CDH12: variants seen among roughly 807,000 people sequenced by gnomAD.
The protein encoded by CDH12 is cadherin-12.
A neutral mutation model predicts 74.1 loss-of-function variants in CDH12; 41 were observed. The observed-to-expected ratio is 0.55, with a 90% CI of 0.43 to 0.72. The LOEUF is 0.72. CDH12 is among the 30% of genes least tolerant of loss of function. CDH12 has a pLI of 0.00. For synonymous variants in CDH12, 399 were observed against 355.0 expected, an observed-to-expected ratio of 1.12 and a Z score of -1.39; for missense variants, 945 against 977.2, an observed-to-expected ratio of 0.97 and a Z score of 0.44.
intron 4 of CDH12, among the ~76,000 whole-genome samples, chr5:22,094,173 C>T (rs1743605434): frequency 6.6e-6 from 1 of 152,126 alleles, no homozygotes; most frequent in African/African-American, 2.4e-5. Flanking sequence ...AAAGGCAGCA[C>T]ACTCCTTTAA....
chr5:22,196,342 A>G (rs2150350777), intron 4 of CDH12, among the ~76,000 whole-genome samples: 1 of 151,866 alleles, frequency 6.6e-6, no homozygotes, highest in Non-Finnish European at 1.5e-5. Context: ...ATGGGGTTTC[A>G]CCATGTTGGC....
At chr5:22,652,557 C>T (rs945034135) in intron 1 of CDH12, among the ~76,000 whole-genome samples, 5 of 152,142 alleles carry the variant, frequency 3.3e-5, no homozygotes, top group Admixed American at 2.6e-4. Context: ...TCCATAATTT[C>T]ATTTTGGCCT....
At chr5:22,554,763 T>C (rs1738726564) in intron 1 of CDH12, among the ~76,000 whole-genome samples, 1 of 152,114 alleles carries the variant, frequency 6.6e-6, no homozygotes, top group South Asian at 2.1e-4. Flanking sequence ...TGCATACAGA[T>C]ATTATCTTCT....
At chr5:22,052,675 T>C (rs111688266) in intron 5 of CDH12, among the ~76,000 whole-genome samples, 2,989 of 152,264 alleles carry the variant, frequency 0.02, 104 homozygotes, top group African/African-American at 0.069. Flanking sequence ...ACAAATGGTA[T>C]AGGCATTGGT....
intron 2 of CDH12, among the ~76,000 whole-genome samples, chr5:22,422,518 T>C (rs1006041914): frequency 2.6e-5 from 4 of 152,156 alleles, no homozygotes; most frequent in African/African-American, 9.7e-5. Flanking sequence ...ATCAGAAGGA[T>C]TGGCCTAAGG....
intron 9 of CDH12, among the ~76,000 whole-genome samples, chr5:21,808,502 A>G (rs976755677): frequency 1.3e-5 from 2 of 151,968 alleles, no homozygotes; most frequent in Non-Finnish European, 2.9e-5. Flanking sequence ...CAATGAACGC[A>G]AATGATCCGA....
chr5:22,089,854 TA>T (rs11315743), intron 4 of CDH12, among the ~76,000 whole-genome samples: 56,942 of 151,838 alleles, frequency 0.38, 13,528 homozygotes, highest in African/African-American at 0.68. Flanking sequence ...AGGGAAATTT[TA>T]AAAAAATGAG....
At chr5:22,041,256 G>A (rs1322378947) in intron 5 of CDH12, among the ~76,000 whole-genome samples, 1 of 151,700 alleles carries the variant, frequency 6.6e-6, no homozygotes, top group Non-Finnish European at 1.5e-5. Context: ...ACAAGAGCGG[G>A]GAAAAAAGGA....
intron 3 of CDH12, among the ~76,000 whole-genome samples, chr5:22,287,601 T>C (rs1259419689): frequency 4.6e-5 from 7 of 151,494 alleles, no homozygotes; most frequent in South Asian, 2.1e-4. Context: ...CGGGCGCCTG[T>C]AGTCCCAGCT....
At chr5:22,654,307 T>C (rs559971932) in intron 1 of CDH12, among the ~76,000 whole-genome samples, 47 of 152,082 alleles carry the variant, frequency 3.1e-4, no homozygotes, top group African/African-American at 1.1e-3. Flanking sequence ...TCTTTCCTTT[T>C]TGACAGAGTC....
At chr5:22,374,579 A>G (rs1250789838) in intron 3 of CDH12, among the ~76,000 whole-genome samples, 1 of 152,026 alleles carries the variant, frequency 6.6e-6, no homozygotes, top group Non-Finnish European at 1.5e-5. Flanking sequence ...CTACCACAAA[A>G]CCCCTAGTTT....
intron 1 of CDH12, among the ~76,000 whole-genome samples, chr5:22,562,562 T>G (rs1739101950): frequency 6.6e-6 from 1 of 151,830 alleles, no homozygotes; most frequent in Admixed American, 6.6e-5. Context: ...TTGTCAGCTT[T>G]CTTGAAATTG....
intron 2 of CDH12, among the ~76,000 whole-genome samples, chr5:22,473,278 A>G (rs1420602950): frequency 6.6e-6 from 1 of 152,134 alleles, no homozygotes; most frequent in Non-Finnish European, 1.5e-5. Context: ...CACTCTTTAT[A>G]TACTTACACT....
chr5:22,153,363 G>A (rs1747742940), intron 4 of CDH12, among the ~76,000 whole-genome samples: 2 of 151,488 alleles, frequency 1.3e-5, no homozygotes, highest in South Asian at 4.2e-4. Context: ...CATCCCGTGT[G>A]ATGTTCCTAC....
intron 2 of CDH12, among the ~76,000 whole-genome samples, chr5:22,476,797 T>C (rs1304126866): frequency 6.6e-6 from 1 of 152,184 alleles, no homozygotes; most frequent in African/African-American, 2.4e-5. Context: ...TGAACTATAC[T>C]CGATATTTGA....
intron 1 of CDH12, among the ~76,000 whole-genome samples, chr5:22,564,586 C>T (rs996041550): frequency 7.9e-5 from 12 of 151,990 alleles, no homozygotes; most frequent in Non-Finnish European, 1.6e-4. Flanking sequence ...TTTACTTATG[C>T]GATTTTCTTG....
intron 4 of CDH12, among the ~76,000 whole-genome samples, chr5:22,198,835 A>G (rs1750764761): frequency 6.6e-6 from 1 of 152,026 alleles, no homozygotes; most frequent in Admixed American, 6.6e-5. Flanking sequence ...CTCTTTACCA[A>G]TCCTCAAGAT....
chr5:21,912,667 C>G (rs1400223268), intron 6 of CDH12, among the ~76,000 whole-genome samples: 1 of 152,134 alleles, frequency 6.6e-6, no homozygotes, highest in Non-Finnish European at 1.5e-5. Context: ...TAGAATCATT[C>G]AAGATGCCCG....
intron 6 of CDH12, among the ~76,000 whole-genome samples, chr5:21,857,828 G>A (rs1462510881): frequency 6.6e-6 from 1 of 151,810 alleles, no homozygotes; most frequent in African/African-American, 2.4e-5. Context: ...AGAAATCTAC[G>A]TTCTCACAAT....
Sources: allele counts gnomAD v4.1 joint callset (sites outside exome capture counted in the v4.1 genomes callset), GRCh38; gene constraint gnomAD v4.1.1; transcripts MANE v1.5; gene names NCBI Gene and HGNC (gene_info 2026-07-23, HGNC 2026-07-21).